CDH13: variants seen among roughly 807,000 people sequenced by gnomAD.
CDH13 encodes the protein cadherin 13.
Under a neutral mutation model 63.8 loss-of-function variants are expected in CDH13, and 24 were observed. That is an observed-to-expected ratio of 0.38 (90% CI 0.27 to 0.53). CDH13 has a LOEUF of 0.53. Among genes scored for constraint, CDH13 ranks in the 20% least tolerant of loss-of-function variants. The probability of loss-of-function intolerance (pLI) is 0.85; values close to 1 mark genes in which losing one functional copy is unlikely to be tolerated. For missense variants in CDH13, 1,049 were observed against 903.1 expected (o/e 1.16, Z -2.07); for synonymous variants, 503 against 355.3 (o/e 1.42, Z -4.67).
chr16:83,573,718 G>A (rs1904854379), intron 7 of CDH13, among the ~76,000 whole-genome samples: 1 of 152,196 alleles, frequency 6.6e-6, no homozygotes, highest in South Asian at 2.1e-4. Context: ...TTTTTAAAAT[G>A]TAGGTAACTC....
chr16:82,904,235 A>T (rs572940214), intron 2 of CDH13, among the ~76,000 whole-genome samples: 1 of 152,352 alleles, frequency 6.6e-6, no homozygotes, highest in South Asian at 2.1e-4. Context: ...TTTGTCAATC[A>T]TGACTTGATC....
chr16:83,134,198 G>T (rs2036173484), intron 4 of CDH13, among the ~76,000 whole-genome samples: 1 of 151,816 alleles, frequency 6.6e-6, no homozygotes, highest in Non-Finnish European at 1.5e-5. Context: ...TAGTAGATTT[G>T]TTTTTTTTCT....
chr16:83,481,816 A>T (rs144482873), intron 6 of CDH13, among the ~76,000 whole-genome samples: 1 of 152,182 alleles, frequency 6.6e-6, no homozygotes, highest in Non-Finnish European at 1.5e-5. Context: ...GGAAGCCCCA[A>T]TGCGTGTCTG....
intron 4 of CDH13, among the ~76,000 whole-genome samples, chr16:83,138,189 A>T (rs1352236449): frequency 6.6e-6 from 1 of 152,176 alleles, no homozygotes; most frequent in East Asian, 1.9e-4. Context: ...CCTCTTGAGC[A>T]GGCATACACT....
intron 8 of CDH13, among the ~76,000 whole-genome samples, chr16:83,630,413 C>A (rs530046561): frequency 2.6e-5 from 4 of 152,218 alleles, no homozygotes; most frequent in African/African-American, 9.6e-5. Context: ...TGGTTTTATG[C>A]ATTTTAGGGA....
intron 7 of CDH13, among the ~76,000 whole-genome samples, chr16:83,568,868 G>C (rs1904320880): frequency 6.6e-6 from 1 of 151,990 alleles, no homozygotes. Context: ...TCCAGCTCCT[G>C]CCTCTCTTTC....
intron 1 of CDH13, among the ~76,000 whole-genome samples, chr16:82,717,780 G>C (rs1429805038): frequency 2.0e-5 from 3 of 152,160 alleles, no homozygotes; most frequent in African/African-American, 7.2e-5. Context: ...TACCACAAAA[G>C]TTAATATAGA....
chr16:83,235,092 T>C (rs2040106347), intron 5 of CDH13, among the ~76,000 whole-genome samples: 1 of 152,150 alleles, frequency 6.6e-6, no homozygotes, highest in East Asian at 1.9e-4. Context: ...ATAATCCTAG[T>C]TACTTGGGAG....
At chr16:82,706,957 C>G (rs551832583) in intron 1 of CDH13, among the ~76,000 whole-genome samples, 8 of 152,266 alleles carry the variant, frequency 5.3e-5, no homozygotes, top group African/African-American at 1.9e-4. Context: ...TAAAATTATT[C>G]TGCCTTCAGT....
chr16:83,141,541 T>G (rs1325748539), intron 4 of CDH13, among the ~76,000 whole-genome samples: 1 of 152,210 alleles, frequency 6.6e-6, no homozygotes, highest in Admixed American at 6.5e-5. Context: ...GGGATACATG[T>G]GCAGAATGTG....
intron 8 of CDH13, among the ~76,000 whole-genome samples, chr16:83,656,946 T>A (rs1018854799): frequency 2.6e-5 from 4 of 152,200 alleles, no homozygotes; most frequent in African/African-American, 9.6e-5. Context: ...ATGCCAGCTC[T>A]TGGGCTCCAG....
intron 5 of CDH13, among the ~76,000 whole-genome samples, chr16:83,273,290 G>C (rs899680873): frequency 6.6e-6 from 1 of 152,036 alleles, no homozygotes; most frequent in South Asian, 2.1e-4. Context: ...CACGTACTAA[G>C]CATAATACCC....
At chr16:83,371,063 G>A (rs928903866) in intron 6 of CDH13, among the ~76,000 whole-genome samples, 17 of 152,218 alleles carry the variant, frequency 1.1e-4, no homozygotes, top group South Asian at 2.1e-4. Context: ...CAGAAAAAAA[G>A]GGAACATTTT....
At chr16:83,427,345 A>G (rs2071943251) in intron 6 of CDH13, among the ~76,000 whole-genome samples, 1 of 152,138 alleles carries the variant, frequency 6.6e-6, no homozygotes, top group Admixed American at 6.5e-5. Flanking sequence ...AGAGGGATAG[A>G]GGAGGGTCAG....
At chr16:83,269,910 C>G (rs921481570) in intron 5 of CDH13, among the ~76,000 whole-genome samples, 1 of 152,156 alleles carries the variant, frequency 6.6e-6, no homozygotes, top group African/African-American at 2.4e-5. Flanking sequence ...CATTTCTATG[C>G]TAAGTTAAAC....
chr16:82,755,093 C>G (rs2034563894), intron 1 of CDH13, among the ~76,000 whole-genome samples: 1 of 152,210 alleles, frequency 6.6e-6, no homozygotes, highest in Admixed American at 6.5e-5. Flanking sequence ...CATGTACACA[C>G]ATTGGCATGG....
chr16:82,973,980 TG>T (rs1909142997), intron 2 of CDH13, among the ~76,000 whole-genome samples: 1 of 152,120 alleles, frequency 6.6e-6, no homozygotes, highest in African/African-American at 2.4e-5. Flanking sequence ...TGGAGTGCAG[TG>T]GTGTGATAGC....
chr16:82,727,066 T>C (rs1338818225), intron 1 of CDH13, among the ~76,000 whole-genome samples: 1 of 152,130 alleles, frequency 6.6e-6, no homozygotes, highest in East Asian at 1.9e-4. Flanking sequence ...TATTAGAAAC[T>C]GTCATTTGGC....
At chr16:82,981,332 T>C (rs1241641817) in intron 2 of CDH13, among the ~76,000 whole-genome samples, 3 of 152,136 alleles carry the variant, frequency 2.0e-5, no homozygotes, top group Non-Finnish European at 2.9e-5. Flanking sequence ...GCTCACACAC[T>C]GCAGTCCAAT....
Sources: allele counts gnomAD v4.1 joint callset (sites outside exome capture counted in the v4.1 genomes callset), GRCh38; gene constraint gnomAD v4.1.1; transcripts MANE v1.5; gene names NCBI Gene and HGNC (gene_info 2026-07-23, HGNC 2026-07-21).